Variants in RARB observed in about 807,000 individuals in gnomAD.
RARB encodes the protein HBV-activated protein.
Under a neutral mutation model 51.9 loss-of-function variants are expected in RARB, and 17 were observed. The observed-to-expected ratio is 0.33, with a 90% CI of 0.22 to 0.49. The LOEUF is 0.49. Among genes scored for constraint, RARB ranks in the 20% least tolerant of loss-of-function variants. The pLI is 0.99. For synonymous variants in RARB, 215 were observed against 195.4 expected, an observed-to-expected ratio of 1.10 and a Z score of -0.84; for missense variants, 369 against 550.8, an observed-to-expected ratio of 0.67 and a Z score of 3.30.
rs903152316 is a variant in RARB at position 25,375,269 on chromosome 3, A to G, written c.179-85924A>G. ...AGCCAATATCTTCTCACTGATAACA[A>G]TGTATTTCTACCACCCTGTCACTAG... On this transcript the variant is annotated intron_variant, in intron 5 of 11. Transcript: ENST00000383772. 3.9e-5 allele frequency among the ~76,000 whole-genome samples: 6 copies of G among 152,202 alleles called. No homozygotes were observed. The East Asian group carries it at 5.8e-4, about 15-fold the overall frequency.
chr3:25,401,392 A>G (rs1345773209), intron 5 of RARB, among the ~76,000 whole-genome samples: 3 of 152,224 alleles, frequency 2.0e-5, no homozygotes, highest in Non-Finnish European at 4.4e-5. Flanking sequence ...ATAATTTTTC[A>G]TATACAACGT....
chr3:25,154,976 C>T (rs77768316), intron 4 of RARB, among the ~76,000 whole-genome samples: 363 of 152,314 alleles, frequency 2.4e-3, no homozygotes, highest in African/African-American at 8.0e-3. Flanking sequence ...TAGGACCTAA[C>T]ACATAGCAAG....
chr3:25,344,597 T>C (rs906271301), intron 5 of RARB, among the ~76,000 whole-genome samples: 5 of 152,230 alleles, frequency 3.3e-5, no homozygotes, highest in Admixed American at 3.3e-4. Flanking sequence ...TTTTTCCTTT[T>C]GACTGAATTT....
chr3:25,588,198 G>C (rs776632280), intron 5 of RARB, among the ~76,000 whole-genome samples: 4 of 152,214 alleles, frequency 2.6e-5, no homozygotes, highest in Non-Finnish European at 5.9e-5. Context: ...AACTATTGCT[G>C]TGTACACTCA....
intron 3 of RARB, among the ~76,000 whole-genome samples, chr3:25,529,624 C>T (rs988969456): frequency 6.6e-6 from 1 of 152,094 alleles, no homozygotes; most frequent in African/African-American, 2.4e-5. Context: ...ACATGATATG[C>T]TTTGTCTTAA....
At chr3:25,345,318 C>T (rs1357930533) in intron 5 of RARB, among the ~76,000 whole-genome samples, 2 of 152,030 alleles carry the variant, frequency 1.3e-5, no homozygotes, top group African/African-American at 4.8e-5. Context: ...TTTATTTTTC[C>T]TTTTCGGCTG....
intron 5 of RARB, among the ~76,000 whole-genome samples, chr3:25,581,188 C>T (rs1036396103): frequency 2.0e-5 from 3 of 152,162 alleles, no homozygotes; most frequent in Non-Finnish European, 2.9e-5. Flanking sequence ...AGTGGGAGTG[C>T]GTTCGTGTGC....
chr3:25,331,157 G>C (rs1163768847), intron 5 of RARB, among the ~76,000 whole-genome samples: 9 of 152,146 alleles, frequency 5.9e-5, no homozygotes, highest in Non-Finnish European at 1.3e-4. Flanking sequence ...ATTGAATTCA[G>C]CTCTGCACCA....
chr3:25,425,659 C>T (rs1031129984), upstream of RARB, among the ~76,000 whole-genome samples: 4 of 152,142 alleles, frequency 2.6e-5, no homozygotes, highest in Non-Finnish European at 5.9e-5. Context: ...AAGAAAACAT[C>T]GAGTCGCCCA....
chr3:25,126,219 T>C (rs1292348260), intron 3 of RARB, among the ~76,000 whole-genome samples: 1 of 152,140 alleles, frequency 6.6e-6, no homozygotes, highest in East Asian at 1.9e-4. Flanking sequence ...ATTAAAGTAA[T>C]GTTTCCTTTA....
At chr3:25,432,266 G>A (rs1166771082) in intron 1 of RARB, among the ~76,000 whole-genome samples, 1 of 152,178 alleles carries the variant, frequency 6.6e-6, no homozygotes, top group Non-Finnish European at 1.5e-5. Flanking sequence ...AAGGGAGTGA[G>A]TATTGATGTG....
intron 2 of RARB, among the ~76,000 whole-genome samples, chr3:25,467,161 G>C (rs1444774209): frequency 1.3e-5 from 2 of 152,234 alleles, no homozygotes; most frequent in Non-Finnish European, 2.9e-5. Context: ...GAAGTATCCA[G>C]GTAATTGAGC....
intron 5 of RARB, among the ~76,000 whole-genome samples, chr3:25,236,064 T>C (rs1702294959): frequency 6.6e-6 from 1 of 152,186 alleles, no homozygotes; most frequent in African/African-American, 2.4e-5. Context: ...CTATCTTCTT[T>C]GGTATTTGTA....
At chr3:25,261,327 C>T (rs1702992148) in intron 5 of RARB, among the ~76,000 whole-genome samples, 1 of 151,966 alleles carries the variant, frequency 6.6e-6, no homozygotes, top group Non-Finnish European at 1.5e-5. Flanking sequence ...CTCTCTATTC[C>T]CTTGGCTCCT....
At chr3:25,027,357 G>T (rs1225190700) in intron 2 of RARB, among the ~76,000 whole-genome samples, 1 of 152,082 alleles carries the variant, frequency 6.6e-6, no homozygotes, top group Non-Finnish European at 1.5e-5. Flanking sequence ...CAAGCAGGCT[G>T]GGCAATATGG....
intron 4 of RARB, among the ~76,000 whole-genome samples, chr3:25,143,024 G>A (rs1490281764): frequency 6.6e-6 from 1 of 152,150 alleles, no homozygotes; most frequent in African/African-American, 2.4e-5. Flanking sequence ...GCTGGAGCAG[G>A]CAGAAAAGTT....
At chr3:25,144,772 G>A (rs1420517252) in intron 4 of RARB, among the ~76,000 whole-genome samples, 7 of 152,144 alleles carry the variant, frequency 4.6e-5, no homozygotes, top group Admixed American at 2.6e-4. Flanking sequence ...AGAATGCCTG[G>A]CCGATAGGAG....
At chr3:25,449,427 C>G (rs1709092831) in intron 1 of RARB, among the ~76,000 whole-genome samples, 1 of 152,064 alleles carries the variant, frequency 6.6e-6, no homozygotes, top group African/African-American at 2.4e-5. Flanking sequence ...TTTGAATTTT[C>G]CAGTTTTACT....
At chr3:25,236,566 A>G (rs2125393429) in intron 5 of RARB, among the ~76,000 whole-genome samples, 1 of 152,254 alleles carries the variant, frequency 6.6e-6, no homozygotes, top group Admixed American at 6.5e-5. Flanking sequence ...GATGGAAGGA[A>G]AGAGAAGAGG....
Sources: allele counts gnomAD v4.1 joint callset (sites outside exome capture counted in the v4.1 genomes callset), GRCh38; gene constraint gnomAD v4.1.1; transcripts MANE v1.5; gene names NCBI Gene and HGNC (gene_info 2026-07-23, HGNC 2026-07-21).